STX12: variants seen among roughly 807,000 people sequenced by gnomAD.
The protein encoded by STX12 is syntaxin-12.
A neutral mutation model predicts 42.2 loss-of-function variants in STX12; 17 were observed. The observed-to-expected ratio is 0.40, with a 90% CI of 0.28 to 0.60. STX12 has a LOEUF of 0.60. Among genes scored for constraint, STX12 ranks in the 20% least tolerant of loss-of-function variants. The probability of loss-of-function intolerance (pLI) is 0.39; values close to 1 mark genes in which losing one functional copy is unlikely to be tolerated. For synonymous variants in STX12, 108 were observed against 116.7 expected (o/e 0.93, Z 0.48); for missense variants, 297 against 330.9 (o/e 0.90, Z 0.79).
At chr1:27,787,180 A>G (rs1571518738) in intron 1 of STX12, among the ~76,000 whole-genome samples, 1 of 152,190 alleles carries the variant, frequency 6.6e-6, no homozygotes, top group Non-Finnish European at 1.5e-5. Context: ...CTGAAGTGCT[A>G]CCAGCCTATA....
intron 4 of STX12, 74 bp downstream of exon 4, chr1:27,801,889 T>C (rs2088830624): frequency 6.5e-7 from 1 of 1,529,160 alleles, no homozygotes. Flanking sequence ...TTTTTTCTTT[T>C]TCTCTTTGAC....
In STX12 at chr1:27,789,814, G is replaced by A. The variant is rs377507609; in HGVS notation, c.188+183G>A. Among the ~76,000 whole-genome samples the A allele has an allele frequency of 2.8e-4, 42 of 152,284 alleles. 1 individual carries two copies. The highest frequency in any genetic ancestry group is 1.4e-3 in the Admixed American group (21 of 15,284). On this transcript the variant is annotated intron_variant, in intron 2 of 8. Transcript: ENST00000373943. ...AGTATATTAATGGATTGTAATTTCC[G>A]TTGCCTTTCAAAGTCTTTGAACTCT...
chr1:27,781,676 CTTATA>C (rs1388872358), intron 1 of STX12, among the ~76,000 whole-genome samples: 5 of 152,208 alleles, frequency 3.3e-5, no homozygotes, highest in Non-Finnish European at 4.4e-5. Context: ...TTAGCACGCA[CTTATA>C]TTATATATTC....
chr1:27,804,293 G>T (rs1241034907), intron 4 of STX12, among the ~76,000 whole-genome samples: 1 of 151,786 alleles, frequency 6.6e-6, no homozygotes. Flanking sequence ...GCGCATGGTG[G>T]CGCATGCCTG....
At chr1:27,797,160 C>G (rs1040505578) in intron 3 of STX12, among the ~76,000 whole-genome samples, 2 of 152,034 alleles carry the variant, frequency 1.3e-5, no homozygotes, top group Non-Finnish European at 2.9e-5. Flanking sequence ...CTCCCAGGTT[C>G]GAGCAATTCT....
chr1:27,792,268 A>C (rs192677773), intron 2 of STX12, among the ~76,000 whole-genome samples: 3 of 125,088 alleles, frequency 2.4e-5, no homozygotes, highest in African/African-American at 1.1e-4. Flanking sequence ...ATACATATAT[A>C]TGTATCTATA....
At chr1:27,774,784 C>T (rs2312439) in intron 1 of STX12, among the ~76,000 whole-genome samples, 1 of 152,132 alleles carries the variant, frequency 6.6e-6, no homozygotes, top group Non-Finnish European at 1.5e-5. Context: ...CCTTGAATTC[C>T]TGATCAGCTT....
chr1:27,776,557 A>G (rs779208738), intron 1 of STX12, among the ~76,000 whole-genome samples: 17 of 152,210 alleles, frequency 1.1e-4, no homozygotes, highest in Middle Eastern at 3.4e-3. Flanking sequence ...CTACAAAAAA[A>G]AAGTTAAAAA....
rs1469049731 is a variant in STX12 at position 27,823,869 on chromosome 1, G to A, written c.*1540G>A. 1 of 152,412 alleles carries A rather than the reference G, an allele frequency of 6.6e-6. No individual in the cohort carries two copies. Among genetic ancestry groups the A allele is most frequent in the Non-Finnish European group, 1.5e-5 (1 of 68,048 alleles). The allele number at this position is 152,412 out of a possible 1,614,324, so 9.4% of individuals were successfully genotyped here. ...GACTTCCAAGAAAACTGGACACCAG[G>A]TGAGGGTTGGTTTGGAGACGGAATA... On this transcript the variant is annotated 3_prime_UTR_variant, in exon 9 of 9. Transcript: ENST00000373943.
intron 3 of STX12, among the ~76,000 whole-genome samples, chr1:27,799,746 G>T (rs1421352168): frequency 6.6e-6 from 1 of 151,050 alleles, no homozygotes; most frequent in Non-Finnish European, 1.5e-5. Flanking sequence ...CCTCCCAATA[G>T]CTTGGCGTTT....
intron 7 of STX12, 23 bp downstream of exon 7, chr1:27,817,946 A>AAGGTAT: frequency 6.3e-7 from 1 of 1,592,784 alleles, no homozygotes; most frequent in Non-Finnish European, 8.6e-7. Context: ...GATACCTTTA[A>AAGGTAT]CCTCAAGGTG....
At position 27,799,477 on chromosome 1, in the gene STX12, G is replaced by GTTTTTT. The variant is rs200472226; in HGVS notation, c.289-2195_289-2190dup. Among the ~76,000 whole-genome samples, 158 of 130,672 alleles carry GTTTTTT rather than the reference G, an allele frequency of 1.2e-3. 9 individuals are homozygous for GTTTTTT. The highest frequency in any genetic ancestry group is 4.7e-3 in the African/African-American group (148 of 31,200). 85.7% of individuals were successfully genotyped at this position (130,672 alleles called of 152,430 possible). On this transcript the variant is annotated intron_variant, in intron 3 of 8. Transcript: ENST00000373943. ...GGTTGAACCCCAAACTCATTAGCTT[G>GTTTTTT]TTTTTTTTTTTGTTTTTTTTTTTGA...
At chr1:27,812,047 G>A in intron 5 of STX12, 116 bp from the exon 6 acceptor site, 2 of 819,188 alleles carry the variant, frequency 2.4e-6, no homozygotes, top group Non-Finnish European at 4.2e-6. Flanking sequence ...TGATAGCAGA[G>A]GACTGGAGCC....
chr1:27,820,771 A>G (rs2088978400), intron 8 of STX12, among the ~76,000 whole-genome samples: 1 of 151,954 alleles, frequency 6.6e-6, no homozygotes, highest in South Asian at 2.1e-4. Context: ...CTTGGAACCA[A>G]CCCAAATGTC....
At chr1:27,790,983 G>A (rs544592290) in intron 2 of STX12, among the ~76,000 whole-genome samples, 7 of 151,474 alleles carry the variant, frequency 4.6e-5, no homozygotes, top group East Asian at 1.9e-4. Flanking sequence ...TATATGGGCC[G>A]GGTGTGGTGG....
Position 27,819,270 on chromosome 1 carries a change from T to TAA in STX12, c.650-361_650-360dup, listed in dbSNP as rs1193228798. ...GGTGACAGAGTGAGATCCCGTCTCTTAAAAAAAAAAAAAAAAAAAAGGTAG... is the reference window on the plus strand; with the variant it reads ...GGTGACAGAGTGAGATCCCGTCTCTTAAAAAAAAAAAAAAAAAAAAAAGGTAG... On this transcript the variant is annotated intron_variant, in intron 7 of 8. Coordinates refer to ENST00000373943, the MANE Select transcript of STX12 (RefSeq NM_177424.3). Among the ~76,000 whole-genome samples the TAA allele has an allele frequency of 2.4e-3, 276 of 114,238 alleles. 2 individuals carry two copies. The highest frequency in any genetic ancestry group is 0.012 in the East Asian group (48 of 4,086). The allele number at this position is 114,238 out of a possible 152,430, so 74.9% of individuals were successfully genotyped here.
intron 4 of STX12, among the ~76,000 whole-genome samples, chr1:27,809,333 C>CAA (rs1208072414): frequency 5.3e-5 from 6 of 113,996 alleles, no homozygotes; most frequent in African/African-American, 2.0e-4. Context: ...GATTCCATCT[C>CAA]AAAAAAAAAA....
At chr1:27,790,733 G>T (rs901718917) in intron 2 of STX12, among the ~76,000 whole-genome samples, 3 of 152,122 alleles carry the variant, frequency 2.0e-5, no homozygotes, top group Admixed American at 1.3e-4. Flanking sequence ...CCTGAGGTCA[G>T]GAGTTCAAGA....
At chr1:27,803,308 AT>A (rs1329264585) in intron 4 of STX12, among the ~76,000 whole-genome samples, 1 of 152,248 alleles carries the variant, frequency 6.6e-6, no homozygotes, top group African/African-American at 2.4e-5. Context: ...AAAGAGAAAA[AT>A]CATAAAGATA....
Sources: allele counts gnomAD v4.1 joint callset (sites outside exome capture counted in the v4.1 genomes callset), GRCh38; gene constraint gnomAD v4.1.1; transcripts MANE v1.5; gene names NCBI Gene and HGNC (gene_info 2026-07-23, HGNC 2026-07-21).